Variants in GULP1 observed in about 807,000 individuals in gnomAD.
The protein encoded by GULP1 is PTB domain-containing engulfment adapter protein 1.
In GULP1, 19 loss-of-function variants were observed where a neutral mutation model predicts 40.9. That is an observed-to-expected ratio of 0.46 (90% CI 0.32 to 0.68). GULP1 has a LOEUF of 0.68. GULP1 is among the 30% of genes least tolerant of loss of function. The probability of loss-of-function intolerance (pLI) is 0.03; values close to 1 mark genes in which losing one functional copy is unlikely to be tolerated. For missense variants in GULP1, 312 were observed against 362.2 expected, an observed-to-expected ratio of 0.86 and a Z score of 1.12; for synonymous variants, 119 against 117.6, an observed-to-expected ratio of 1.01 and a Z score of -0.08.
intron 7 of GULP1, among the ~76,000 whole-genome samples, chr2:188,561,671 G>A (rs993482710): frequency 2.6e-5 from 4 of 152,146 alleles, no homozygotes; most frequent in Non-Finnish European, 4.4e-5. Flanking sequence ...CAATTCTCAG[G>A]TCCCTGGCAG....
At position 188,595,114 on chromosome 2, in the gene GULP1, A is replaced by G. The variant is rs1043635604; in HGVS notation, c.*1103A>G. 7 of 151,472 alleles carry G rather than the reference A, an allele frequency of 4.6e-5. No homozygotes were observed. Among genetic ancestry groups the G allele is most frequent in the African/African-American group, 1.7e-4 (7 of 41,426 alleles). 9.4% of individuals were successfully genotyped at this position (151,472 alleles called of 1,614,324 possible). A position where few individuals can be genotyped will look rare whatever the true frequency, so the allele number is the denominator to read the frequency against. On this transcript the variant is annotated 3_prime_UTR_variant, in exon 12 of 12. Transcript: ENST00000409830. ...CAGTTTAGTCTTGAACATGAGCAATAAAATTCTCTTGCATTTCATTATTGA... is the reference window on the plus strand; with the variant it reads ...CAGTTTAGTCTTGAACATGAGCAATGAAATTCTCTTGCATTTCATTATTGA...
At chr2:188,331,621 C>A (rs1324695436) in intron 1 of GULP1, among the ~76,000 whole-genome samples, 1 of 152,036 alleles carries the variant, frequency 6.6e-6, no homozygotes, top group East Asian at 1.9e-4. Flanking sequence ...AACACATAAT[C>A]TTGTGGATTG....
intron 2 of GULP1, among the ~76,000 whole-genome samples, chr2:188,425,546 C>T (rs1238082620): frequency 6.6e-6 from 1 of 152,118 alleles, no homozygotes; most frequent in Non-Finnish European, 1.5e-5. Flanking sequence ...ATTTACACAG[C>T]TTGTTCTAAT....
intron 9 of GULP1, among the ~76,000 whole-genome samples, chr2:188,570,342 A>C (rs925602224): frequency 6.6e-6 from 1 of 152,200 alleles, no homozygotes; most frequent in African/African-American, 2.4e-5. Flanking sequence ...TGGGTTTTCT[A>C]ACATAATTCA....
chr2:188,385,861 C>T (rs989080002), intron 2 of GULP1, among the ~76,000 whole-genome samples: 1 of 152,140 alleles, frequency 6.6e-6, no homozygotes, highest in Non-Finnish European at 1.5e-5. Context: ...ACCACCTCAG[C>T]CTGGATGTCA....
intron 4 of GULP1, among the ~76,000 whole-genome samples, chr2:188,511,816 A>G (rs1393786470): frequency 1.3e-5 from 2 of 152,196 alleles, no homozygotes; most frequent in Non-Finnish European, 1.5e-5. Flanking sequence ...GGACTTTTTA[A>G]TACTCAGTCC....
chr2:188,318,041 G>T (rs2039387930), intron 1 of GULP1, among the ~76,000 whole-genome samples: 1 of 151,966 alleles, frequency 6.6e-6, no homozygotes, highest in African/African-American at 2.4e-5. Context: ...AAAAACTTTT[G>T]ATACCTGCCT....
chr2:188,572,845 G>T (rs907372693), intron 9 of GULP1, among the ~76,000 whole-genome samples: 10 of 152,112 alleles, frequency 6.6e-5, no homozygotes, highest in African/African-American at 2.4e-4. Flanking sequence ...AGTGGTTGCT[G>T]GGGGCTGGGG....
chr2:188,393,019 G>C (rs941041342), intron 2 of GULP1, among the ~76,000 whole-genome samples: 2 of 152,016 alleles, frequency 1.3e-5, no homozygotes, highest in African/African-American at 4.8e-5. Flanking sequence ...TTATCTTGGA[G>C]AATGTTTCAT....
At position 188,323,650 on chromosome 2, in the gene GULP1, A is replaced by ATGTGTGTG. The variant is rs112584285; in HGVS notation, c.-172+31516_-172+31523dup. Among the ~76,000 whole-genome samples, 36 of 143,580 alleles carry ATGTGTGTG rather than the reference A, an allele frequency of 2.5e-4. 1 individual carries two copies. The highest frequency in any genetic ancestry group is 4.0e-4 in the Non-Finnish European group (26 of 64,972). The allele number at this position is 143,580 out of a possible 152,430, so 94.2% of individuals were successfully genotyped here. A position where few individuals can be genotyped will look rare whatever the true frequency, so the allele number is the denominator to read the frequency against. On this transcript the variant is annotated intron_variant, in intron 1 of 11. Transcript: ENST00000409830. ...TGCCATTAAGGAGATATCTGAAGAT[A>ATGTGTGTG]TGTGTGTGTGTGTGTGTGTGTGTGT...
intron 2 of GULP1, among the ~76,000 whole-genome samples, chr2:188,474,527 A>G (rs1454287696): frequency 1.3e-5 from 2 of 152,136 alleles, no homozygotes; most frequent in African/African-American, 2.4e-5. Flanking sequence ...GATAACACTG[A>G]GTTGAACGCC....
At chr2:188,406,136 G>C (rs1261825581) in intron 2 of GULP1, among the ~76,000 whole-genome samples, 2 of 152,142 alleles carry the variant, frequency 1.3e-5, no homozygotes, top group Non-Finnish European at 2.9e-5. Flanking sequence ...TAGTGTAGCT[G>C]ATTGCTACAT....
At chr2:188,494,398 A>G (rs1234239288) in intron 4 of GULP1, among the ~76,000 whole-genome samples, 2 of 152,032 alleles carry the variant, frequency 1.3e-5, no homozygotes, top group African/African-American at 2.4e-5. Flanking sequence ...TCCCTAATCT[A>G]TCACAGACTC....
intron 4 of GULP1, among the ~76,000 whole-genome samples, chr2:188,489,435 T>A (rs2153087551): frequency 6.6e-6 from 1 of 152,170 alleles, no homozygotes; most frequent in Non-Finnish European, 1.5e-5. Flanking sequence ...AGTCTTTAAT[T>A]TCAAAGCATA....
At chr2:188,514,446 G>T (rs2153218326) in intron 4 of GULP1, among the ~76,000 whole-genome samples, 1 of 152,096 alleles carries the variant, frequency 6.6e-6, no homozygotes, top group Non-Finnish European at 1.5e-5. Flanking sequence ...AGGACTTATT[G>T]TACAGAAAAA....
intron 2 of GULP1, among the ~76,000 whole-genome samples, chr2:188,441,746 T>A (rs894684326): frequency 6.6e-6 from 1 of 152,142 alleles, no homozygotes; most frequent in Non-Finnish European, 1.5e-5. Flanking sequence ...CCACTGAGCC[T>A]CCCACCTGCT....
chr2:188,380,888 TTAA>T (rs1327615692), intron 1 of GULP1, among the ~76,000 whole-genome samples: 1 of 152,150 alleles, frequency 6.6e-6, no homozygotes, highest in African/African-American at 2.4e-5. Context: ...TATTGCAGCA[TTAA>T]TAATGTTTTT....
At chr2:188,532,922 TAAAAA>T (rs376920132) in intron 6 of GULP1, among the ~76,000 whole-genome samples, 42 of 151,954 alleles carry the variant, frequency 2.8e-4, no homozygotes, top group African/African-American at 8.9e-4. Flanking sequence ...CTGTCTCACA[TAAAAA>T]AGAAAAGAAA....
intron 4 of GULP1, among the ~76,000 whole-genome samples, chr2:188,512,407 A>G (rs934291594): frequency 2.0e-5 from 3 of 152,152 alleles, no homozygotes; most frequent in African/African-American, 7.2e-5. Context: ...TATTATCTAC[A>G]TAAAATTGGC....
Sources: allele counts gnomAD v4.1 joint callset (sites outside exome capture counted in the v4.1 genomes callset), GRCh38; gene constraint gnomAD v4.1.1; transcripts MANE v1.5; gene names NCBI Gene and HGNC (gene_info 2026-07-23, HGNC 2026-07-21).